Variants in UNC13C observed in about 807,000 individuals in gnomAD.
The protein encoded by UNC13C is protein unc-13 homolog C.
A neutral mutation model predicts 245.4 loss-of-function variants in UNC13C; 174 were observed. That is an observed-to-expected ratio of 0.71 (90% CI 0.63 to 0.80). The LOEUF (loss-of-function observed/expected upper bound fraction) is 0.80, where lower values mean the gene tolerates loss of function less well. UNC13C is among the 30% of genes least tolerant of loss of function. The probability of loss-of-function intolerance (pLI) is 0.00; values close to 1 mark genes in which losing one functional copy is unlikely to be tolerated. For missense variants in UNC13C, 2,829 were observed against 2,602.9 expected, an observed-to-expected ratio of 1.09 and a Z score of -1.89; for synonymous variants, 992 against 895.1, an observed-to-expected ratio of 1.11 and a Z score of -1.93.
At chr15:54,385,359 G>T (rs2039814937) in intron 17 of UNC13C, among the ~76,000 whole-genome samples, 2 of 151,506 alleles carry the variant, frequency 1.3e-5, no homozygotes, top group African/African-American at 4.9e-5. Flanking sequence ...AATACTACTT[G>T]ACCATAAAAA....
Position 54,014,102 on chromosome 15 carries a change from C to T in UNC13C, c.1199C>T (p.Thr400Ile). The change falls in exon 2 of 33, where the codon ACA becomes ATA. Residue 400 changes from threonine to isoleucine, a missense_variant. Coordinates refer to ENST00000260323, the MANE Select transcript of UNC13C (RefSeq NM_001080534.3). ...VLKKSYKLKG[T>I]GIGISTDILT... ...AAAAAGTCATATAAACTCAAAGGAACAGGCATTGGAATCTCAACAGATATT... is the reference window on the plus strand; with the variant it reads ...AAAAAGTCATATAAACTCAAAGGAATAGGCATTGGAATCTCAACAGATATT... The T allele has an allele frequency of 3.1e-6, 5 of 1,613,664 alleles. No individual in the cohort carries two copies. Among genetic ancestry groups the T allele is most frequent in the South Asian group, 2.2e-5 (2 of 91,076 alleles).
chr15:54,629,062 TAAAG>T (rs1901380628), downstream of UNC13C: 1 of 151,896 alleles, frequency 6.6e-6, no homozygotes, highest in Non-Finnish European at 1.5e-5. Flanking sequence ...GTAGACCAGA[TAAAG>T]AAAATGTGGT....
At chr15:53,979,678 A>G (rs1484294114) in intron 1 of UNC13C, among the ~76,000 whole-genome samples, 3 of 152,190 alleles carry the variant, frequency 2.0e-5, no homozygotes, top group African/African-American at 7.2e-5. Flanking sequence ...CGGAGATGAC[A>G]ACACTTAAAA....
At chr15:54,479,633 A>G (rs1892992001) in intron 19 of UNC13C, among the ~76,000 whole-genome samples, 1 of 151,850 alleles carries the variant, frequency 6.6e-6, no homozygotes, top group Non-Finnish European at 1.5e-5. Context: ...TGATTGTTTC[A>G]TATATCCGTT....
chr15:54,338,539 C>G, intron 17 of UNC13C, 50 bp downstream of exon 17: 3 of 1,597,064 alleles, frequency 1.9e-6, no homozygotes, highest in Middle Eastern at 1.7e-4. Context: ...TTTCTAGTAT[C>G]TGTTTCCATA....
chr15:53,957,793 T>G, the UNC13C span, among the ~76,000 whole-genome samples: 1 of 152,216 alleles, frequency 6.6e-6, no homozygotes, highest in East Asian at 1.9e-4. Flanking sequence ...TATTGAACTT[T>G]CAGTAGATGC....
chr15:54,062,217 G>T (rs550986220), intron 2 of UNC13C, among the ~76,000 whole-genome samples: 1 of 151,964 alleles, frequency 6.6e-6, no homozygotes, highest in African/African-American at 2.4e-5. Flanking sequence ...TACTCGGGAG[G>T]CTAAGGCAGG....
the UNC13C span, among the ~76,000 whole-genome samples, chr15:53,885,910 G>T: frequency 6.6e-6 from 1 of 152,160 alleles, no homozygotes; most frequent in Non-Finnish European, 1.5e-5. Flanking sequence ...TTCTCGTTGG[G>T]TATGGTTAAC....
In UNC13C at chr15:54,157,994, C is replaced by T. The variant is rs1359374484; in HGVS notation, c.3071+14310C>T. Among the ~76,000 whole-genome samples the T allele has an allele frequency of 2.0e-5, 3 of 152,334 alleles. No homozygotes were observed. In the East Asian group the frequency reaches 5.8e-4, roughly 29 times the overall value. On this transcript the variant is annotated intron_variant, in intron 4 of 32. Coordinates refer to ENST00000260323, the MANE Select transcript of UNC13C (RefSeq NM_001080534.3). ...AGCTTGGAAAAATAGTAATTGCCTACTCCAGCCCTCTACTTGGCATATATC... is the reference window on the plus strand; with the variant it reads ...AGCTTGGAAAAATAGTAATTGCCTATTCCAGCCCTCTACTTGGCATATATC...
intron 4 of UNC13C, among the ~76,000 whole-genome samples, chr15:54,219,457 A>G (rs2035151024): frequency 6.6e-6 from 1 of 152,192 alleles, no homozygotes; most frequent in Non-Finnish European, 1.5e-5. Flanking sequence ...TTCAAGATGG[A>G]TTAAAGACTT....
At chr15:54,209,651 C>T (rs561780480) in intron 4 of UNC13C, among the ~76,000 whole-genome samples, 22 of 152,052 alleles carry the variant, frequency 1.4e-4, no homozygotes, top group Non-Finnish European at 3.2e-4. Context: ...TGGGCTCAAA[C>T]AGTCGGCCCA....
chr15:54,590,558 T>G (rs950201744), intron 30 of UNC13C, among the ~76,000 whole-genome samples: 24 of 152,304 alleles, frequency 1.6e-4, no homozygotes, highest in African/African-American at 5.8e-4. Context: ...GCAGCAATTG[T>G]AAAAGGGGTT....
At chr15:54,437,360 CA>C (rs1298923524) in intron 19 of UNC13C, among the ~76,000 whole-genome samples, 6 of 151,920 alleles carry the variant, frequency 3.9e-5, no homozygotes, top group African/African-American at 7.2e-5. Context: ...ATATAAGCTT[CA>C]AAGGAACTCA....
chr15:54,186,556 A>G (rs1309494754), intron 4 of UNC13C, among the ~76,000 whole-genome samples: 1 of 148,740 alleles, frequency 6.7e-6, no homozygotes, highest in African/African-American at 2.6e-5. Flanking sequence ...TTCACATCAT[A>G]CAGTATAATT....
At chr15:54,077,376 C>CTTTTCTTTTT (rs1898688018) in intron 2 of UNC13C, among the ~76,000 whole-genome samples, 1 of 62,698 alleles carries the variant, frequency 1.6e-5, no homozygotes, top group African/African-American at 6.1e-5. Flanking sequence ...CTTTTCTTTT[C>CTTTTCTTTTT]TTTTTTTTTT....
At chr15:54,109,631 T>G (rs951830018) in intron 2 of UNC13C, among the ~76,000 whole-genome samples, 1 of 151,988 alleles carries the variant, frequency 6.6e-6, no homozygotes, top group Non-Finnish European at 1.5e-5. Flanking sequence ...CATGAGCCAC[T>G]GTACCTGGCC....
chr15:53,903,855 T>C, the UNC13C span, among the ~76,000 whole-genome samples: 1 of 151,734 alleles, frequency 6.6e-6, no homozygotes, highest in Non-Finnish European at 1.5e-5. Flanking sequence ...GCTACATTGG[T>C]GTTGTGGAAT....
chr15:54,537,819 C>T (rs749548298), intron 26 of UNC13C, among the ~76,000 whole-genome samples: 15 of 151,964 alleles, frequency 9.9e-5, no homozygotes, highest in Non-Finnish European at 1.6e-4. Context: ...TTTCCTTTCA[C>T]TGTATACAAA....
At chr15:53,919,971 T>C in the UNC13C span, among the ~76,000 whole-genome samples, 1 of 152,186 alleles carries the variant, frequency 6.6e-6, no homozygotes, top group Non-Finnish European at 1.5e-5. Context: ...CATGTTTTTT[T>C]TTTCCAATCC....
Sources: allele counts gnomAD v4.1 joint callset (sites outside exome capture counted in the v4.1 genomes callset), GRCh38; gene constraint gnomAD v4.1.1; transcripts MANE v1.5; gene names NCBI Gene and HGNC (gene_info 2026-07-23, HGNC 2026-07-21).